Variants in ANK1 observed in about 807,000 individuals in gnomAD.
ANK1 encodes ankyrin 1.
Under a neutral mutation model 210.4 loss-of-function variants are expected in ANK1, and 51 were observed. That is an observed-to-expected ratio of 0.24 (90% CI 0.19 to 0.31). The LOEUF is 0.31. Ranked by LOEUF, ANK1 falls within the 10% of genes least tolerant of loss-of-function variation. The probability of loss-of-function intolerance (pLI) is 1.00; values close to 1 mark genes in which losing one functional copy is unlikely to be tolerated. For missense variants in ANK1, 2,051 were observed against 2,504.4 expected, an observed-to-expected ratio of 0.82 and a Z score of 3.86; for synonymous variants, 967 against 1,025.9, an observed-to-expected ratio of 0.94 and a Z score of 1.10.
At chr8:41,772,494 G>A (rs1843141444) in intron 1 of ANK1, among the ~76,000 whole-genome samples, 1 of 152,170 alleles carries the variant, frequency 6.6e-6, no homozygotes, top group South Asian at 2.1e-4. Flanking sequence ...CCCCAGAGGT[G>A]TGGGTTGTCA....
At chr8:41,840,642 C>T (rs1184002361) in intron 1 of ANK1, among the ~76,000 whole-genome samples, 4 of 152,294 alleles carry the variant, frequency 2.6e-5, no homozygotes, top group East Asian at 1.9e-4. Context: ...GGTGTCTCTT[C>T]GTCTTCTAAG....
intron 1 of ANK1, among the ~76,000 whole-genome samples, chr8:41,803,183 G>A (rs1850433343): frequency 1.3e-5 from 2 of 150,502 alleles, no homozygotes; most frequent in Admixed American, 6.6e-5. Context: ...GGGAGGGAGA[G>A]AGAGAGAGAG....
intron 1 of ANK1, among the ~76,000 whole-genome samples, chr8:41,811,538 G>A (rs1802492816): frequency 1.9e-5 from 1 of 53,012 alleles, no homozygotes; most frequent in South Asian, 5.5e-4. Flanking sequence ...TAAACCCACC[G>A]CCTTCCCCCT....
At chr8:41,749,360 C>T (rs1186378544) in intron 2 of ANK1, among the ~76,000 whole-genome samples, 3 of 140,822 alleles carry the variant, frequency 2.1e-5, no homozygotes, top group Non-Finnish European at 4.5e-5. Flanking sequence ...TGCAGTGGCA[C>T]AATCTCGGCT....
intron 23 of ANK1, 46 bp from the exon 24 acceptor site, chr8:41,698,167 G>A (rs548357488): frequency 2.5e-6 from 4 of 1,587,126 alleles, no homozygotes; most frequent in Non-Finnish European, 3.5e-6. Flanking sequence ...ATCCACATGT[G>A]CACACAGCTC....
intron 5 of ANK1, among the ~76,000 whole-genome samples, chr8:41,726,635 C>T (rs953519594): frequency 5.9e-5 from 9 of 152,186 alleles, no homozygotes; most frequent in Non-Finnish European, 1.0e-4. Context: ...GATCCTCCCA[C>T]CTCAGCCTCC....
intron 1 of ANK1, among the ~76,000 whole-genome samples, chr8:41,827,966 CCCG>C (rs1805777270): frequency 6.6e-6 from 1 of 151,030 alleles, no homozygotes; most frequent in African/African-American, 2.5e-5. Flanking sequence ...ACACACCGCC[CCCG>C]CCCCCCAACC....
At chr8:41,877,440 T>A (rs1816796888) in intron 1 of ANK1, among the ~76,000 whole-genome samples, 1 of 152,190 alleles carries the variant, frequency 6.6e-6, no homozygotes, top group Admixed American at 6.5e-5. Flanking sequence ...CACTACACCA[T>A]CTAGGAAGTG....
intron 35 of ANK1, among the ~76,000 whole-genome samples, chr8:41,687,006 T>C (rs1340476231): frequency 2.0e-5 from 3 of 152,040 alleles, no homozygotes; most frequent in African/African-American, 4.8e-5. Context: ...CATACACACA[T>C]GCACACACAC....
chr8:41,890,028 G>T (rs999348826), intron 1 of ANK1, among the ~76,000 whole-genome samples: 2 of 152,140 alleles, frequency 1.3e-5, no homozygotes, highest in Non-Finnish European at 2.9e-5. Context: ...GCCTTCCCCG[G>T]CAAACCTCAA....
intron 37 of ANK1, among the ~76,000 whole-genome samples, chr8:41,676,550 T>C (rs11995075): frequency 0.21 from 32,154 of 152,202 alleles, 3,496 homozygotes; most frequent in Middle Eastern, 0.27. Context: ...CTTAACAGTG[T>C]ATTTTGAAGA....
At chr8:41,690,713 T>G in intron 31 of ANK1, 114 bp from the exon 32 acceptor site, 2 of 1,463,738 alleles carry the variant, frequency 1.4e-6, no homozygotes, top group Non-Finnish European at 1.9e-6. Flanking sequence ...GCAAGAGGCA[T>G]GCGGGTGTGT....
rs748684817 is a variant in ANK1 at position 41,686,177 on chromosome 8, G to A, written c.4365C>T (p.Val1455=). ...TGTTTGCGTTTTGGCCTTCACGGAT[G>A]ACCCAGAGGTTCAGCAAGGCCACAC... ...EQSVALLNLW[V]IREGQNANME... Residue 1455 remains valine, a synonymous_variant, in exon 36 of 43, where the codon GTC becomes GTT. Transcript: ENST00000289734. The A allele has an allele frequency of 7.4e-6, 12 of 1,614,112 alleles. No individual in the cohort carries two copies. Among genetic ancestry groups the A allele is most frequent in the Middle Eastern group, 1.6e-4 (1 of 6,084 alleles).
intron 2 of ANK1, among the ~76,000 whole-genome samples, chr8:41,740,286 A>T (rs1316845183): frequency 2.0e-5 from 3 of 150,950 alleles, no homozygotes; most frequent in African/African-American, 7.3e-5. Context: ...TCAACCTCCC[A>T]AGTAGCTGGG....
intron 1 of ANK1, among the ~76,000 whole-genome samples, chr8:41,761,123 G>GCACA (rs35420752): frequency 4.5e-4 from 67 of 147,978 alleles, no homozygotes; most frequent in African/African-American, 1.6e-3. Context: ...AGACACACAT[G>GCACA]CACACACACA....
intron 2 of ANK1, among the ~76,000 whole-genome samples, chr8:41,735,784 G>A (rs550445744): frequency 6.6e-5 from 10 of 152,328 alleles, no homozygotes; most frequent in Non-Finnish European, 1.2e-4. Flanking sequence ...AATGGAAGGG[G>A]TCCAACGCTT....
chr8:41,676,424 AAAACTGAGTTGTTTTCTTATTATT>A (rs1563385285), intron 37 of ANK1, among the ~76,000 whole-genome samples: 3 of 152,222 alleles, frequency 2.0e-5, no homozygotes. Flanking sequence ...GCTCAATCTA[AAAACTGAGTTGTTTTCTTATTATT>A]AAGTTTTGAG....
chr8:41,881,394 T>C (rs1034648810), intron 1 of ANK1, among the ~76,000 whole-genome samples: 28 of 152,242 alleles, frequency 1.8e-4, no homozygotes, highest in South Asian at 2.1e-4. Context: ...TCTATGTCTA[T>C]GTCTATATCT....
chr8:41,886,225 C>T (rs1818418299), intron 1 of ANK1, among the ~76,000 whole-genome samples: 1 of 152,176 alleles, frequency 6.6e-6, no homozygotes, highest in African/African-American at 2.4e-5. Flanking sequence ...TATGGGCAGC[C>T]CCAAGGTGGA....
Sources: gnomAD v4.1 joint callset for allele counts (sites outside exome capture counted in the v4.1 genomes callset) on GRCh38, gnomAD v4.1.1 for gene constraint, MANE v1.5 for transcripts, NCBI Gene and HGNC (gene_info 2026-07-23, HGNC 2026-07-21) for gene names.